Variants in LIPC observed in about 807,000 individuals in gnomAD.
LIPC encodes the protein lipase C, hepatic type, also known as hepatic triacylglycerol lipase.
Under a neutral mutation model 50.7 loss-of-function variants are expected in LIPC, and 44 were observed. The observed-to-expected ratio is 0.87, with a 90% confidence interval of 0.68 to 1.11. LIPC has a LOEUF of 1.11. LIPC is among the 50% of genes most tolerant of loss of function. LIPC has a pLI of 0.00. For synonymous variants in LIPC, 271 were observed against 256.4 expected (o/e 1.06, Z -0.54); for missense variants, 697 against 648.2 (o/e 1.08, Z -0.82).
intron 1 of LIPC, 36 bp from the exon 2 acceptor site, chr15:58,538,297 G>A (rs759692389): frequency 6.2e-7 from 1 of 1,607,222 alleles, no homozygotes; most frequent in Non-Finnish European, 8.5e-7. Flanking sequence ...TGAAGCAGAT[G>A]CCAGGCTAAG....
intron 8 of LIPC, among the ~76,000 whole-genome samples, chr15:58,567,963 T>G (rs1894445590): frequency 6.6e-6 from 1 of 152,206 alleles, no homozygotes; most frequent in South Asian, 2.1e-4. Context: ...ACTCATAGCA[T>G]TTTTAAATTT....
At chr15:58,457,860 G>A (rs1057178410) in intron 1 of LIPC, among the ~76,000 whole-genome samples, 39 of 152,020 alleles carry the variant, frequency 2.6e-4, no homozygotes, top group African/African-American at 7.5e-4. Context: ...ACTCTATCCC[G>A]GGCCCATGTC....
chr15:58,567,514 T>C (rs996230384), intron 8 of LIPC, among the ~76,000 whole-genome samples: 12 of 151,574 alleles, frequency 7.9e-5, no homozygotes, highest in African/African-American at 2.7e-4. Flanking sequence ...AATCAAAATA[T>C]GCACAAAGGC....
chr15:58,483,015 A>G (rs1224273789), intron 1 of LIPC, among the ~76,000 whole-genome samples: 1 of 152,204 alleles, frequency 6.6e-6, no homozygotes, highest in African/African-American at 2.4e-5. Context: ...CAGCGAAAGC[A>G]TAGCTGGCTG....
intron 1 of LIPC, among the ~76,000 whole-genome samples, chr15:58,465,520 T>A (rs1385994707): frequency 6.6e-6 from 1 of 152,196 alleles, no homozygotes; most frequent in African/African-American, 2.4e-5. Flanking sequence ...CATGTAGGGC[T>A]GGGCTGGGAG....
chr15:58,505,148 G>T (rs1474622240), intron 1 of LIPC, among the ~76,000 whole-genome samples: 1 of 152,208 alleles, frequency 6.6e-6, no homozygotes, highest in African/African-American at 2.4e-5. Flanking sequence ...AACAGTCCAC[G>T]AATAGGCCAG....
chr15:58,542,862 C>T (rs1171152906), intron 4 of LIPC, among the ~76,000 whole-genome samples: 2 of 152,212 alleles, frequency 1.3e-5, no homozygotes, highest in African/African-American at 4.8e-5. Context: ...GCCTCAATTC[C>T]TATTGCCTGC....
At chr15:58,507,942 G>A (rs2414588) in intron 1 of LIPC, among the ~76,000 whole-genome samples, 118,271 of 152,070 alleles carry the variant, frequency 0.78, 46,204 homozygotes, top group African/African-American at 0.85. Context: ...GGCCATGGAC[G>A]AAGTCTGTTG....
intron 1 of LIPC, among the ~76,000 whole-genome samples, chr15:58,464,372 A>G (rs12900891): frequency 0.11 from 17,431 of 152,242 alleles, 1,210 homozygotes; most frequent in Non-Finnish European, 0.17. Flanking sequence ...GGTTAATCCA[A>G]TCAAAGCCCA....
chr15:58,565,768 G>A (rs1264320556), intron 8 of LIPC: 1 of 988,796 alleles, frequency 1.0e-6, no homozygotes, highest in Non-Finnish European at 1.2e-6. Context: ...TGCAGTGCTG[G>A]ACATTAACAT....
chr15:58,484,109 G>C (rs561343155), intron 1 of LIPC, among the ~76,000 whole-genome samples: 2 of 152,156 alleles, frequency 1.3e-5, no homozygotes, highest in East Asian at 3.9e-4. Flanking sequence ...CTATCTTTTT[G>C]GCCTAACATC....
chr15:58,498,085 A>G (rs1485950066), intron 1 of LIPC, among the ~76,000 whole-genome samples: 1 of 152,198 alleles, frequency 6.6e-6, no homozygotes. Flanking sequence ...ATCAAAGAGA[A>G]TGGATCCTGA....
chr15:58,518,880 G>A (rs1352194518), intron 1 of LIPC, among the ~76,000 whole-genome samples: 1 of 151,774 alleles, frequency 6.6e-6, no homozygotes, highest in Non-Finnish European at 1.5e-5. Flanking sequence ...GGTTACGGTG[G>A]TTGTAAACAT....
At chr15:58,515,858 C>T (rs893631599) in intron 1 of LIPC, among the ~76,000 whole-genome samples, 5 of 152,112 alleles carry the variant, frequency 3.3e-5, no homozygotes, top group African/African-American at 4.8e-5. Context: ...AGAGGAAAGA[C>T]ACTTTTGAGG....
At chr15:58,507,921 G>A (rs1892205975) in intron 1 of LIPC, among the ~76,000 whole-genome samples, 1 of 152,164 alleles carries the variant, frequency 6.6e-6, no homozygotes, top group Non-Finnish European at 1.5e-5. Flanking sequence ...TGGACTTGGG[G>A]AACTTACAAT....
chr15:58,557,146 G>T (rs898418869), intron 6 of LIPC, among the ~76,000 whole-genome samples: 4 of 152,060 alleles, frequency 2.6e-5, no homozygotes, highest in African/African-American at 7.2e-5. Flanking sequence ...AAAAGTTCAA[G>T]TTCTGGAGTC....
At chr15:58,506,125 T>C (rs1892141203) in intron 1 of LIPC, among the ~76,000 whole-genome samples, 1 of 152,208 alleles carries the variant, frequency 6.6e-6, no homozygotes, top group Non-Finnish European at 1.5e-5. Context: ...GTAGTACCTC[T>C]TCCTGTTCTT....
At chr15:58,521,469 G>A (rs1476597859) in intron 1 of LIPC, 1 of 152,298 alleles carries the variant, frequency 6.6e-6, no homozygotes, top group Non-Finnish European at 1.5e-5. Flanking sequence ...TGAGGGCTAA[G>A]GTGTAGGAAG....
intron 1 of LIPC, among the ~76,000 whole-genome samples, chr15:58,531,715 A>G (rs957480252): frequency 1.5e-4 from 23 of 152,096 alleles, no homozygotes; most frequent in Admixed American, 3.3e-4. Context: ...TTGACAAAAA[A>G]ATAGTAAAGA....
Sources: gnomAD v4.1 joint callset for allele counts (sites outside exome capture counted in the v4.1 genomes callset) on GRCh38, gnomAD v4.1.1 for gene constraint, MANE v1.5 for transcripts, NCBI Gene and HGNC (gene_info 2026-07-23, HGNC 2026-07-21) for gene names.